The following FGD4 variants were observed in gnomAD, a reference collection of about 807,000 sequenced individuals.
The protein encoded by FGD4 is FYVE, RhoGEF and PH domain containing 4.
In FGD4, 42 loss-of-function variants were observed where a neutral mutation model predicts 102.0. The ratio of observed to expected loss-of-function variants is 0.41; its 90% CI spans 0.32 to 0.53. FGD4 has a LOEUF of 0.53. Among genes scored for constraint, FGD4 ranks in the 20% least tolerant of loss-of-function variants. The probability of loss-of-function intolerance (pLI) is 0.21; values close to 1 mark genes in which losing one functional copy is unlikely to be tolerated. For synonymous variants in FGD4, 380 were observed against 375.7 expected (o/e 1.01, Z -0.13); for missense variants, 902 against 1,078.2 (o/e 0.84, Z 2.29).
intron 1 of FGD4, among the ~76,000 whole-genome samples, chr12:32,408,515 C>T (rs1273066046): frequency 6.6e-6 from 1 of 152,124 alleles, no homozygotes; most frequent in Admixed American, 6.6e-5. Context: ...GTTGGCCAGA[C>T]TAGTTTTGAA....
At chr12:32,629,357 G>A (rs1017635771) in intron 14 of FGD4, among the ~76,000 whole-genome samples, 1 of 152,084 alleles carries the variant, frequency 6.6e-6, no homozygotes, top group African/African-American at 2.4e-5. Context: ...GAGAGGAGCA[G>A]AAATAAAAAT....
chr12:32,457,015 A>G (rs1275058726), intron 1 of FGD4, among the ~76,000 whole-genome samples: 2 of 152,252 alleles, frequency 1.3e-5, no homozygotes, highest in African/African-American at 4.8e-5. Flanking sequence ...ATGCGAGAAC[A>G]GGAACTGGTG....
chr12:32,606,215 G>A (rs1385096136), intron 7 of FGD4, among the ~76,000 whole-genome samples: 1 of 152,044 alleles, frequency 6.6e-6, no homozygotes, highest in Non-Finnish European at 1.5e-5. Context: ...ATTAAGGAAA[G>A]CTATTCTCTC....
At chr12:32,534,319 G>T in intron 1 of FGD4, 1 of 1,369,222 alleles carries the variant, frequency 7.3e-7, no homozygotes, top group South Asian at 1.8e-5. Context: ...ATGCACTGAA[G>T]TCATAGTGCA....
intron 1 of FGD4, among the ~76,000 whole-genome samples, chr12:32,431,845 C>T (rs563620023): frequency 2.0e-5 from 3 of 151,678 alleles, no homozygotes; most frequent in East Asian, 1.9e-4. Context: ...TTAATTGATA[C>T]AATTACACAA....
At chr12:32,412,870 G>A (rs1281578838) in intron 1 of FGD4, among the ~76,000 whole-genome samples, 2 of 147,930 alleles carry the variant, frequency 1.4e-5, no homozygotes, top group African/African-American at 5.1e-5. Context: ...ATGAGCCACC[G>A]CGCCTGTCCA....
intron 1 of FGD4, among the ~76,000 whole-genome samples, chr12:32,447,225 C>T (rs1002191484): frequency 6.6e-6 from 1 of 152,158 alleles, no homozygotes; most frequent in African/African-American, 2.4e-5. Flanking sequence ...TAGGTAGTCA[C>T]CCATTTTATC....
At position 32,401,598 on chromosome 12, in the gene FGD4, TG is replaced by T. The variant is rs1358027007; in HGVS notation, c.166+1641del. On this transcript the variant is annotated intron_variant, in intron 1 of 16. Transcript: ENST00000534526. ...TTCTATCATTTTACTTAAAATCACC[TG>T]GCTAAATTACAAACCCATTGAGTAG... is the stretch of plus-strand genomic sequence containing the variant. Among the ~76,000 whole-genome samples, 3 of 152,040 alleles carry T rather than the reference TG, an allele frequency of 2.0e-5. No homozygotes were observed. The East Asian group carries it at 5.8e-4, about 29-fold the overall frequency.
At position 32,399,902 on chromosome 12, in the gene FGD4, C is replaced by T; in HGVS notation, c.109C>T (p.His37Tyr). 6.5e-7 allele frequency: 1 copy of T among 1,527,982 alleles called. No homozygotes were observed. The highest frequency in any genetic ancestry group is 8.7e-7 in the Non-Finnish European group (1 of 1,143,962). The allele number at this position is 1,527,982 out of a possible 1,614,324, so 94.7% of individuals were successfully genotyped here. Residue 37 changes from histidine to tyrosine, a missense_variant, in exon 1 of 17, where the codon CAC becomes TAC. Coordinates refer to ENST00000534526, the MANE Select transcript of FGD4 (RefSeq NM_001370298.3). ...CCGGCCCTGGAGCAGGCCCGCGTCG[C>T]ACCTGGGACGTGTAGGGACCGCTGC... The part of the protein sequence containing the change: ...VPRPWSRPAS[H>Y]LGRVGTAAFK...
intron 1 of FGD4, among the ~76,000 whole-genome samples, chr12:32,517,530 A>G (rs1940020053): frequency 6.6e-6 from 1 of 152,210 alleles, no homozygotes; most frequent in African/African-American, 2.4e-5. Flanking sequence ...TCAGTATCAT[A>G]GTTGATGTCC....
At chr12:32,478,584 T>C (rs1943643564) in intron 1 of FGD4, among the ~76,000 whole-genome samples, 1 of 152,222 alleles carries the variant, frequency 6.6e-6, no homozygotes, top group African/African-American at 2.4e-5. Context: ...AGTATTGAAA[T>C]AACTTGAATA....
intron 1 of FGD4, among the ~76,000 whole-genome samples, chr12:32,543,719 T>C (rs1943019618): frequency 6.6e-6 from 1 of 152,126 alleles, no homozygotes; most frequent in Non-Finnish European, 1.5e-5. Context: ...CTCCGCCTCC[T>C]GGGTTCATGC....
intron 1 of FGD4, among the ~76,000 whole-genome samples, chr12:32,451,713 C>T (rs546271714): frequency 6.6e-6 from 1 of 151,590 alleles, no homozygotes; most frequent in African/African-American, 2.4e-5. Flanking sequence ...TCAAGACCAG[C>T]CTGGCCAACA....
chr12:32,520,604 T>C (rs972459595), intron 1 of FGD4, among the ~76,000 whole-genome samples: 1 of 151,864 alleles, frequency 6.6e-6, no homozygotes, highest in African/African-American at 2.4e-5. Context: ...CCTGGCTAAT[T>C]TTTTTGTATT....
At chr12:32,458,125 T>C (rs901652340) in intron 1 of FGD4, among the ~76,000 whole-genome samples, 23 of 152,072 alleles carry the variant, frequency 1.5e-4, no homozygotes, top group African/African-American at 5.1e-4. Context: ...CCAATTTTTT[T>C]TGTAGCCTTG....
At chr12:32,454,168 C>G (rs1942889092) in intron 1 of FGD4, among the ~76,000 whole-genome samples, 1 of 152,124 alleles carries the variant, frequency 6.6e-6, no homozygotes, top group South Asian at 2.1e-4. Context: ...ACATGAGAGA[C>G]AAGTTCTCTG....
At chr12:32,549,315 A>C (rs1292917219) in intron 1 of FGD4, among the ~76,000 whole-genome samples, 1 of 152,218 alleles carries the variant, frequency 6.6e-6, no homozygotes, top group Non-Finnish European at 1.5e-5. Flanking sequence ...AAGTTGTCCC[A>C]GGGCCTGTGG....
At chr12:32,593,329 T>G (rs1384935590) in intron 4 of FGD4, among the ~76,000 whole-genome samples, 2 of 152,246 alleles carry the variant, frequency 1.3e-5, no homozygotes, top group African/African-American at 4.8e-5. Context: ...GTCCGTGATT[T>G]ACTCATCTCC....
chr12:32,587,675 T>C (rs10771967), intron 4 of FGD4, among the ~76,000 whole-genome samples: 45,042 of 152,062 alleles, frequency 0.3, 6,921 homozygotes, highest in Middle Eastern at 0.49. Context: ...TGTGAGCCAC[T>C]GTGCCTGGCC....
Sources: allele counts gnomAD v4.1 joint callset (sites outside exome capture counted in the v4.1 genomes callset), GRCh38; gene constraint gnomAD v4.1.1; transcripts MANE v1.5; gene names NCBI Gene and HGNC (gene_info 2026-07-23, HGNC 2026-07-21).